Variants in RBMS1 observed in about 807,000 individuals in gnomAD.
RBMS1 encodes the protein RNA-binding motif, single-stranded-interacting protein 1.
RBMS1 carries 17 observed loss-of-function variants against 62.3 expected under a neutral mutation model. That is an observed-to-expected ratio of 0.27 (90% CI 0.19 to 0.41). The LOEUF is 0.41. Among genes scored for constraint, RBMS1 ranks in the 10% least tolerant of loss-of-function variants. The pLI is 1.00. For missense variants in RBMS1, 334 were observed against 504.5 expected, an observed-to-expected ratio of 0.66 and a Z score of 3.24; for synonymous variants, 172 against 170.0, an observed-to-expected ratio of 1.01 and a Z score of -0.09.
intron 1 of RBMS1, among the ~76,000 whole-genome samples, chr2:160,462,491 C>T (rs781436241): frequency 9.9e-5 from 15 of 151,926 alleles, no homozygotes; most frequent in East Asian, 1.9e-4. Flanking sequence ...TAAACCTAGG[C>T]GGTTTTTGAG....
At chr2:160,378,370 T>A (rs979606624) in intron 1 of RBMS1, among the ~76,000 whole-genome samples, 1 of 152,086 alleles carries the variant, frequency 6.6e-6, no homozygotes, top group African/African-American at 2.4e-5. Flanking sequence ...TCCCAACACT[T>A]TGGGAAGCCA....
chr2:160,458,737 C>T (rs1684345134), intron 1 of RBMS1, among the ~76,000 whole-genome samples: 1 of 150,320 alleles, frequency 6.7e-6, no homozygotes, highest in Non-Finnish European at 1.5e-5. Flanking sequence ...GCAGAAGTTG[C>T]AGTGAGCCGA....
At chr2:160,473,296 A>G (rs1430264040) in intron 1 of RBMS1, among the ~76,000 whole-genome samples, 1 of 152,240 alleles carries the variant, frequency 6.6e-6, no homozygotes, top group Non-Finnish European at 1.5e-5. Flanking sequence ...AATCTATTAC[A>G]GATTCTTGTG....
At chr2:160,431,680 T>C (rs966728735) in intron 1 of RBMS1, among the ~76,000 whole-genome samples, 1 of 152,048 alleles carries the variant, frequency 6.6e-6, no homozygotes, top group East Asian at 1.9e-4. Flanking sequence ...TAATCTGGAC[T>C]TTCAGTTCCT....
At position 160,303,623 on chromosome 2, in the gene RBMS1, C is replaced by A. The variant is rs1689332271; in HGVS notation, c.403-136G>T. On this transcript the variant is annotated intron_variant, in intron 4 of 13. Transcript: ENST00000348849. Reference sequence around the variant, plus strand: ...TCAGAACCTCAGAACACCAAAGTCACCCTGGACTCTTGAAAATAGTGTCTG... The same window carrying A: ...TCAGAACCTCAGAACACCAAAGTCAACCTGGACTCTTGAAAATAGTGTCTG... The A allele has an allele frequency of 6.0e-5, 55 of 914,250 alleles. 1 individual carries two copies. In the South Asian group the frequency reaches 9.5e-4, roughly 16 times the overall value. 56.6% of individuals were successfully genotyped at this position (914,250 alleles called of 1,614,324 possible).
chr2:160,390,862 T>A (rs548482046), intron 1 of RBMS1, among the ~76,000 whole-genome samples: 1 of 145,240 alleles, frequency 6.9e-6, no homozygotes. Flanking sequence ...TAAAGAAATA[T>A]CTTCTAACTG....
chr2:160,450,459 G>A (rs1307151444), intron 1 of RBMS1, among the ~76,000 whole-genome samples: 1 of 148,622 alleles, frequency 6.7e-6, no homozygotes, highest in African/African-American at 2.5e-5. Context: ...AAAATCGCTT[G>A]AACCCAGAGG....
At chr2:160,481,702 C>T (rs1354585509) in intron 1 of RBMS1, among the ~76,000 whole-genome samples, 4 of 152,020 alleles carry the variant, frequency 2.6e-5, no homozygotes, top group Non-Finnish European at 5.9e-5. Context: ...AAAAAATTTG[C>T]AAAAGACTTC....
At chr2:160,488,215 C>T (rs375998101) in intron 1 of RBMS1, among the ~76,000 whole-genome samples, 4 of 152,370 alleles carry the variant, frequency 2.6e-5, no homozygotes, top group Admixed American at 6.5e-5. Context: ...AGACCTCCAT[C>T]GTCCCATTGC....
At chr2:160,337,312 T>G (rs1691634855) in intron 2 of RBMS1, among the ~76,000 whole-genome samples, 1 of 151,982 alleles carries the variant, frequency 6.6e-6, no homozygotes, top group Admixed American at 6.6e-5. Flanking sequence ...TTTTTGTATT[T>G]TTAATAAGGC....
chr2:160,384,057 C>T (rs1248604313), intron 1 of RBMS1, among the ~76,000 whole-genome samples: 4 of 152,112 alleles, frequency 2.6e-5, no homozygotes, highest in East Asian at 1.9e-4. Flanking sequence ...ATTAGCCAGG[C>T]GTGGTGGCAG....
At chr2:160,365,804 A>T (rs1014015128) in intron 2 of RBMS1, among the ~76,000 whole-genome samples, 1 of 152,178 alleles carries the variant, frequency 6.6e-6, no homozygotes, top group Non-Finnish European at 1.5e-5. Flanking sequence ...CGCTGCAAAA[A>T]CATAAGACAA....
chr2:160,404,103 C>A (rs1205428502), intron 1 of RBMS1, among the ~76,000 whole-genome samples: 2 of 152,134 alleles, frequency 1.3e-5, no homozygotes, highest in Non-Finnish European at 2.9e-5. Context: ...AAGTCACAGT[C>A]AACAGTAATA....
intron 2 of RBMS1, among the ~76,000 whole-genome samples, chr2:160,331,964 G>A (rs1691300106): frequency 6.6e-6 from 1 of 152,138 alleles, no homozygotes; most frequent in Non-Finnish European, 1.5e-5. Flanking sequence ...CCATGGATTT[G>A]TCAAAAAATT....
intron 1 of RBMS1, among the ~76,000 whole-genome samples, chr2:160,389,951 A>G (rs983190487): frequency 2.6e-5 from 4 of 152,206 alleles, no homozygotes; most frequent in East Asian, 3.8e-4. Flanking sequence ...AAATTCTTAC[A>G]TAAGACTCAA....
chr2:160,285,149 G>T, intron 7 of RBMS1, 105 bp from the exon 8 acceptor site: 1 of 1,113,948 alleles, frequency 9.0e-7, no homozygotes, highest in Non-Finnish European at 1.4e-6. Context: ...CCCAGCTGCT[G>T]GGGAGGCTGA....
chr2:160,455,443 G>GAAA (rs1265854202), intron 1 of RBMS1, among the ~76,000 whole-genome samples: 1 of 152,172 alleles, frequency 6.6e-6, no homozygotes, highest in Non-Finnish European at 1.5e-5. Context: ...TGAGAAGAAA[G>GAAA]AAGAAGATAA....
intron 1 of RBMS1, among the ~76,000 whole-genome samples, chr2:160,477,430 G>A (rs1685191696): frequency 6.6e-6 from 1 of 152,012 alleles, no homozygotes. Context: ...CTAAGGGACA[G>A]AGTCTCACTC....
At chr2:160,372,251 G>C (rs1288657771) in intron 1 of RBMS1, among the ~76,000 whole-genome samples, 2 of 151,748 alleles carry the variant, frequency 1.3e-5, no homozygotes, top group African/African-American at 4.8e-5. Flanking sequence ...GGAAAGCTAG[G>C]ACCTGCCCTT....
Sources: gnomAD v4.1 joint callset for allele counts (sites outside exome capture counted in the v4.1 genomes callset) on GRCh38, gnomAD v4.1.1 for gene constraint, MANE v1.5 for transcripts, NCBI Gene and HGNC (gene_info 2026-07-23, HGNC 2026-07-21) for gene names.